The following GRID2 variants were observed in gnomAD, a reference collection of about 807,000 sequenced individuals.
GRID2 encodes the protein glutamate receptor ionotropic, delta-2.
In GRID2, 33 loss-of-function variants were observed where a neutral mutation model predicts 114.8. The ratio of observed to expected loss-of-function variants is 0.29; its 90% CI spans 0.22 to 0.38. The LOEUF (loss-of-function observed/expected upper bound fraction) is 0.38, where lower values mean the gene tolerates loss of function less well. Ranked by LOEUF, GRID2 falls within the 10% of genes least tolerant of loss-of-function variation. The probability of loss-of-function intolerance (pLI) is 1.00; values close to 1 mark genes in which losing one functional copy is unlikely to be tolerated. For synonymous variants in GRID2, 505 were observed against 449.9 expected (o/e 1.12, Z -1.55); for missense variants, 1,184 against 1,257.7 (o/e 0.94, Z 0.89).
intron 1 of GRID2, among the ~76,000 whole-genome samples, chr4:92,559,762 C>T (rs1226146288): frequency 6.6e-6 from 1 of 152,086 alleles, no homozygotes; most frequent in Non-Finnish European, 1.5e-5. Flanking sequence ...ACTATAATTC[C>T]ACTCAAGTGA....
At chr4:92,681,738 T>C (rs1486502736) in intron 2 of GRID2, among the ~76,000 whole-genome samples, 2 of 152,102 alleles carry the variant, frequency 1.3e-5, no homozygotes, top group African/African-American at 2.4e-5. Flanking sequence ...ATTTTACCAA[T>C]TGTAAATTTT....
intron 1 of GRID2, among the ~76,000 whole-genome samples, chr4:92,363,747 T>C (rs1728724111): frequency 6.6e-6 from 1 of 152,026 alleles, no homozygotes; most frequent in African/African-American, 2.4e-5. Flanking sequence ...TGTGATATTT[T>C]TTAACAAAAT....
intron 2 of GRID2, among the ~76,000 whole-genome samples, chr4:92,608,221 T>A (rs940326604): frequency 1.3e-5 from 2 of 151,794 alleles, no homozygotes; most frequent in Non-Finnish European, 2.9e-5. Flanking sequence ...CAAGGACACC[T>A]CTTTCCCAAA....
chr4:93,187,699 C>T (rs1275888312), intron 4 of GRID2, among the ~76,000 whole-genome samples: 1 of 152,134 alleles, frequency 6.6e-6, no homozygotes, highest in Admixed American at 6.5e-5. Context: ...GGCAAATTTG[C>T]CTCTAGCTGT....
intron 1 of GRID2, among the ~76,000 whole-genome samples, chr4:92,438,309 A>C (rs190342576): frequency 6.6e-6 from 1 of 152,202 alleles, no homozygotes; most frequent in Non-Finnish European, 1.5e-5. Context: ...AGTATGATGT[A>C]TTTGTCATTA....
At chr4:93,697,288 G>C (rs1389424176) in intron 14 of GRID2, among the ~76,000 whole-genome samples, 2 of 152,116 alleles carry the variant, frequency 1.3e-5, no homozygotes, top group East Asian at 3.8e-4. Context: ...AGACTAGTTT[G>C]TGGGCTCTTA....
At chr4:93,401,432 T>C (rs72668706) in intron 9 of GRID2, among the ~76,000 whole-genome samples, 2,231 of 152,272 alleles carry the variant, frequency 0.015, 18 homozygotes, top group South Asian at 0.056. Flanking sequence ...TTGTCTTTAT[T>C]AGTGATGTGT....
chr4:93,665,544 A>G (rs1168712233), intron 14 of GRID2, among the ~76,000 whole-genome samples: 1 of 152,154 alleles, frequency 6.6e-6, no homozygotes, highest in Non-Finnish European at 1.5e-5. Context: ...AAACTGCTTC[A>G]CTTCCAGTGT....
chr4:93,093,186 G>A (rs1290511433), intron 3 of GRID2, among the ~76,000 whole-genome samples: 5 of 151,980 alleles, frequency 3.3e-5, no homozygotes, highest in African/African-American at 4.8e-5. Flanking sequence ...TGCTGAATTC[G>A]AAGTGACCCT....
intron 14 of GRID2, among the ~76,000 whole-genome samples, chr4:93,749,320 A>C (rs1371110571): frequency 1.3e-5 from 2 of 152,196 alleles, no homozygotes; most frequent in Non-Finnish European, 2.9e-5. Flanking sequence ...AAAAGTTGCA[A>C]GATATAGGGA....
intron 2 of GRID2, among the ~76,000 whole-genome samples, chr4:92,652,739 G>C (rs1053025823): frequency 4.9e-5 from 7 of 142,946 alleles, no homozygotes; most frequent in South Asian, 2.4e-4. Flanking sequence ...GGGAGGCTGG[G>C]GGGGTTGGGG....
In GRID2 at chr4:93,186,697, G is replaced by GAT. The variant is rs368991708; in HGVS notation, c.736-20703_736-20702dup. 4.2e-3 allele frequency among the ~76,000 whole-genome samples: 634 copies of GAT among 151,906 alleles called. 7 individuals are homozygous for GAT. The highest frequency in any genetic ancestry group is 0.015 in the African/African-American group (611 of 41,414). On this transcript the variant is annotated intron_variant, in intron 4 of 15. Transcript: ENST00000282020. The stretch of plus-strand genomic sequence containing the variant: ...GATTTCCTAGATACTGATATCTATT[G>GAT]ATATACTAAGTTGCAAGATGAGAAT...
intron 11 of GRID2, among the ~76,000 whole-genome samples, chr4:93,478,879 G>A (rs889429353): frequency 2.0e-5 from 3 of 152,006 alleles, no homozygotes; most frequent in South Asian, 2.1e-4. Flanking sequence ...ATGATCTAAT[G>A]TCTTGTAGCC....
At position 93,065,125 on chromosome 4, in the gene GRID2, A is replaced by G. The variant is rs928085296; in HGVS notation, c.245-19870A>G. The stretch of plus-strand genomic sequence containing the variant: ...ATTTAAAAAATATTTTTGAGATCAT[A>G]CTAGTAAATTTTGTTTGCATTTTTT... On this transcript the variant is annotated intron_variant, in intron 2 of 15. Coordinates refer to ENST00000282020, the MANE Select transcript of GRID2 (RefSeq NM_001510.4). Among the ~76,000 whole-genome samples, 3 of 151,914 alleles carry G rather than the reference A, an allele frequency of 2.0e-5. No individual in the cohort carries two copies. In the South Asian group the frequency reaches 6.2e-4, roughly 31 times the overall value.
At chr4:93,367,009 G>A (rs7657634) in intron 8 of GRID2, among the ~76,000 whole-genome samples, 29,495 of 151,608 alleles carry the variant, frequency 0.19, 4,253 homozygotes, top group African/African-American at 0.41. Flanking sequence ...GAGAATCAAA[G>A]TATATTTCTA....
At position 93,238,474 on chromosome 4, in the gene GRID2, G is replaced by T. The variant is rs1163328014; in HGVS notation, c.1229G>T (p.Gly410Val). ...ILGTNYGEELGRGVRKLGCWN... is the reference protein window; with the variant it reads ...ILGTNYGEELVRGVRKLGCWN... ...GGAACCAACTATGGAGAAGAGCTTG[G>T]CAGAGGTGTTCGAAAAGTAAGACAA... is the stretch of plus-strand genomic sequence containing the variant. The change falls in exon 8 of 16, where the codon GGC becomes GTC. Residue 410 changes from glycine to valine, a missense_variant. Coordinates refer to ENST00000282020, the MANE Select transcript of GRID2 (RefSeq NM_001510.4). The T allele has an allele frequency of 1.2e-6, 2 of 1,609,890 alleles. No homozygotes were observed. The highest frequency in any genetic ancestry group is 1.7e-6 in the Non-Finnish European group (2 of 1,176,990).
intron 12 of GRID2, among the ~76,000 whole-genome samples, chr4:93,500,335 T>C (rs920180951): frequency 1.3e-5 from 2 of 152,028 alleles, no homozygotes; most frequent in African/African-American, 2.4e-5. Flanking sequence ...ACACAGTCCA[T>C]GGACAGCACC....
chr4:92,957,399 T>G (rs1021702313), intron 2 of GRID2, among the ~76,000 whole-genome samples: 5 of 152,092 alleles, frequency 3.3e-5, no homozygotes, highest in Admixed American at 2.6e-4. Flanking sequence ...GCACTGTTTT[T>G]TGAAAAAATT....
chr4:93,502,703 C>T (rs1344462911), intron 12 of GRID2, among the ~76,000 whole-genome samples: 3 of 128,136 alleles, frequency 2.3e-5, no homozygotes, highest in Non-Finnish European at 4.8e-5. Context: ...GCTCTCTCCT[C>T]CACTCCCCCC....
Sources: gnomAD v4.1 joint callset for allele counts (sites outside exome capture counted in the v4.1 genomes callset) on GRCh38, gnomAD v4.1.1 for gene constraint, MANE v1.5 for transcripts, NCBI Gene and HGNC (gene_info 2026-07-23, HGNC 2026-07-21) for gene names.